The following VWF variants were observed in gnomAD, a reference collection of about 807,000 sequenced individuals.
VWF encodes the protein Factor VIII related antigen.
VWF carries 176 observed loss-of-function variants against 308.6 expected under a neutral mutation model. The observed-to-expected ratio is 0.57, with a 90% confidence interval of 0.50 to 0.65. The LOEUF is 0.65. VWF is among the 30% of genes least tolerant of loss of function. VWF has a pLI of 0.00. For synonymous variants in VWF, 1,385 were observed against 1,443.4 expected (o/e 0.96, Z 0.92); for missense variants, 3,146 against 3,648.2 (o/e 0.86, Z 3.55).
At position 5,994,549 on chromosome 12, in the gene VWF, T is replaced by G; in HGVS notation, c.6122A>C (p.Asn2041Thr). Residue 2041 changes from asparagine (N) to threonine (T), a missense_variant, in exon 36 of 52, where the codon AAC becomes ACC. This residue lies in a region of VWF where 989 missense variants were observed against 1,117.4 expected (regional missense o/e 0.89). Coordinates refer to ENST00000261405, the MANE Select transcript of VWF (RefSeq NM_000552.5). The stretch of plus-strand genomic sequence containing the variant: ...CTCATGCATGATGGCACCATAAACG[T>G]TGACTTCCATGTTCCCACCCACGTA... ...VPYVGGNMEV[N>T]VYGAIMHEVR... is the part of the protein sequence containing the mutation. The G allele has an allele frequency of 6.2e-7, 1 of 1,613,996 alleles. No homozygotes were observed. Among genetic ancestry groups the G allele is most frequent in the African/African-American group, 1.3e-5 (1 of 75,020 alleles).
At chr12:6,059,602 C>T (rs1944631492) in intron 13 of VWF, among the ~76,000 whole-genome samples, 1 of 152,096 alleles carries the variant, frequency 6.6e-6, no homozygotes, top group African/African-American at 2.4e-5. Flanking sequence ...TAGCTGTGTC[C>T]TCACATGGTG....
intron 6 of VWF, among the ~76,000 whole-genome samples, chr12:6,088,918 G>A (rs768338401): frequency 4.6e-5 from 7 of 152,172 alleles, no homozygotes; most frequent in African/African-American, 9.7e-5. Context: ...CATTCCCTAG[G>A]TATAACTAAC....
Position 6,034,768 on chromosome 12 carries a change from T to C in VWF, c.2605A>G (p.Thr869Ala), listed in dbSNP as rs767931609. ...TDHVCDATCS[T>A]IGMAHYLTFD... ...GTGAGGTAGTGGGCCATGCCGATCG[T>C]GGAGCACGTGGCATCACACACATGG... is the stretch of plus-strand genomic sequence containing the variant. Residue 869 changes from threonine (T) to alanine (A), a missense_variant, in exon 20 of 52, where the codon ACG becomes GCG. By Grantham distance (58) the Thr-to-Ala change is moderately conservative. Coordinates refer to ENST00000261405, the MANE Select transcript of VWF (RefSeq NM_000552.5). The C allele has an allele frequency of 6.2e-7, 1 of 1,614,230 alleles. No homozygotes were observed. Among genetic ancestry groups the C allele is most frequent in the Non-Finnish European group, 8.5e-7 (1 of 1,180,042 alleles).
chr12:5,950,139 T>C (rs1943167257), intron 50 of VWF, among the ~76,000 whole-genome samples: 2 of 152,212 alleles, frequency 1.3e-5, no homozygotes, highest in South Asian at 2.1e-4. Flanking sequence ...AAATTCACTG[T>C]GCTATGGTGA....
At chr12:6,043,153 C>A (rs1443550747) in intron 18 of VWF, among the ~76,000 whole-genome samples, 1 of 152,192 alleles carries the variant, frequency 6.6e-6, no homozygotes, top group East Asian at 1.9e-4. Flanking sequence ...AAGACAGTTC[C>A]AAAACCCTCA....
At chr12:5,991,515 TTCTG>T (rs1943742683) in intron 38 of VWF, among the ~76,000 whole-genome samples, 1 of 152,216 alleles carries the variant, frequency 6.6e-6, no homozygotes, top group Non-Finnish European at 1.5e-5. Context: ...CCTCCTGGAT[TTCTG>T]TATCATTCTG....
At chr12:6,034,861 C>T in intron 19 of VWF, 35 bp from the exon 20 acceptor site, 4 of 1,611,710 alleles carry the variant, frequency 2.5e-6, no homozygotes, top group African/African-American at 2.7e-5. Flanking sequence ...ACAAGTTGGG[C>T]ACCTTGGGTT....
chr12:5,971,357 A>G (rs1382889245), intron 44 of VWF, among the ~76,000 whole-genome samples: 4 of 152,244 alleles, frequency 2.6e-5, no homozygotes, highest in African/African-American at 9.6e-5. Context: ...ATGAGAGAGC[A>G]TGAATCCCCC....
intron 43 of VWF, among the ~76,000 whole-genome samples, chr12:5,972,415 A>G (rs922604291): frequency 2.0e-5 from 3 of 152,236 alleles, no homozygotes; most frequent in African/African-American, 7.2e-5. Flanking sequence ...AGTCAAAGCA[A>G]TGACAGTGTG....
chr12:5,954,326 G>A (rs1455117614), intron 47 of VWF, among the ~76,000 whole-genome samples: 2 of 152,058 alleles, frequency 1.3e-5, no homozygotes, highest in East Asian at 1.9e-4. Context: ...GGCTTGTATT[G>A]GACTAACCTT....
chr12:5,994,932 G>A (rs1943792912), intron 35 of VWF, among the ~76,000 whole-genome samples: 1 of 152,138 alleles, frequency 6.6e-6, no homozygotes, highest in African/African-American at 2.4e-5. Context: ...GACAGGCTGG[G>A]AAAGTCGCCT....
Position 5,985,594 on chromosome 12 carries a change from G to A in VWF, c.6870C>T (p.Asn2290=). 6.2e-7 allele frequency: 1 copy of A among 1,614,136 alleles called. No individual in the cohort carries two copies. The highest frequency in any genetic ancestry group is 2.2e-5 in the East Asian group (1 of 44,888). ...CCGTGGGGCAGGGCTGCGTTGTGCA[G>A]TTGACCTTCCGCCCGCTGAGGCATG... ...ICTCLSGRKV[N]CTTQPCPTAK... The change falls in exon 39 of 52, where the codon AAC becomes AAT. Residue 2290 remains asparagine (N), a synonymous_variant. Transcript: ENST00000261405.
chr12:6,041,740 C>G lies in VWF; in HGVS notation c.2442+2551G>C, dbSNP rs574123803. Among the ~76,000 whole-genome samples, 127 of 152,298 alleles carry G rather than the reference C, an allele frequency of 8.3e-4. 1 individual carries two copies. Among genetic ancestry groups the G allele is most frequent in the South Asian group, 6.0e-3 (29 of 4,832 alleles). On this transcript the variant is annotated intron_variant, in intron 18 of 51. Transcript: ENST00000261405. Reference sequence around the variant, plus strand: ...GGGATTACAGGCGTGAGCCACTGCGCCCAGCTGAAAATATTTTTTAGTTGG... The same window carrying G: ...GGGATTACAGGCGTGAGCCACTGCGGCCAGCTGAAAATATTTTTTAGTTGG...
intron 10 of VWF, among the ~76,000 whole-genome samples, chr12:6,070,896 T>C (rs1438521026): frequency 2.6e-5 from 4 of 152,226 alleles, no homozygotes; most frequent in East Asian, 1.9e-4. Context: ...AAAGTTCCAT[T>C]AGAACTGTCC....
At chr12:6,122,066 G>A (rs1945438226) in intron 2 of VWF, among the ~76,000 whole-genome samples, 1 of 152,196 alleles carries the variant, frequency 6.6e-6, no homozygotes, top group African/African-American at 2.4e-5. Flanking sequence ...ATATACAGCT[G>A]TGGGTTTTTT....
intron 18 of VWF, among the ~76,000 whole-genome samples, chr12:6,037,074 A>C (rs529747899): frequency 2.0e-4 from 30 of 152,326 alleles, no homozygotes; most frequent in African/African-American, 6.5e-4. Context: ...TTATGCTGTT[A>C]ATTTTTAACA....
intron 47 of VWF, among the ~76,000 whole-genome samples, chr12:5,963,563 G>C (rs1310047030): frequency 9.9e-5 from 15 of 152,200 alleles, no homozygotes; most frequent in Non-Finnish European, 1.2e-4. Context: ...GAGAAGCATG[G>C]TAAGTTGCAA....
intron 10 of VWF, among the ~76,000 whole-genome samples, chr12:6,070,488 G>T (rs1680382169): frequency 6.6e-6 from 1 of 152,240 alleles, no homozygotes; most frequent in African/African-American, 2.4e-5. Context: ...CCCTGGCTCT[G>T]CCTCGTAGCA....
chr12:6,050,830 C>T (rs920622965), intron 16 of VWF, among the ~76,000 whole-genome samples: 1 of 152,096 alleles, frequency 6.6e-6, no homozygotes, highest in Non-Finnish European at 1.5e-5. Context: ...TGGCAGGTGC[C>T]TGTAATCCCA....
Sources: gnomAD v4.1 joint callset for allele counts (sites outside exome capture counted in the v4.1 genomes callset) on GRCh38, gnomAD v4.1.1 for gene constraint, gnomAD v4.1.1 regional missense constraint, MANE v1.5 for transcripts, NCBI Gene and HGNC (gene_info 2026-07-23, HGNC 2026-07-21) for gene names.